Variants in LRMDA observed in about 807,000 individuals in gnomAD.
The protein encoded by LRMDA is leucine-rich melanocyte differentiation-associated protein.
Under a neutral mutation model 29.8 loss-of-function variants are expected in LRMDA, and 18 were observed. The observed-to-expected ratio is 0.60, with a 90% CI of 0.42 to 0.90. The LOEUF (loss-of-function observed/expected upper bound fraction) is 0.90. LRMDA is among the 40% of genes least tolerant of loss of function. LRMDA has a pLI of 0.00. For synonymous variants in LRMDA, 125 were observed against 109.4 expected (o/e 1.14, Z -0.89); for missense variants, 273 against 273.9 (o/e 1.00, Z 0.02).
chr10:75,562,419 G>C (rs897857931), intron 2 of LRMDA, among the ~76,000 whole-genome samples: 1 of 152,040 alleles, frequency 6.6e-6, no homozygotes, highest in African/African-American at 2.4e-5. Flanking sequence ...TTGAGCCTAT[G>C]TGTGTCTCTG....
intron 4 of LRMDA, among the ~76,000 whole-genome samples, chr10:76,056,375 C>T (rs1010121984): frequency 6.6e-6 from 1 of 152,228 alleles, no homozygotes; most frequent in African/African-American, 2.4e-5. Flanking sequence ...AGCCCCTATG[C>T]TTTAGGCCAC....
At chr10:75,644,352 C>T (rs1272122634) in intron 2 of LRMDA, among the ~76,000 whole-genome samples, 1 of 152,216 alleles carries the variant, frequency 6.6e-6, no homozygotes, top group East Asian at 1.9e-4. Context: ...TTTTAGTTTA[C>T]AGGCACTGGC....
intron 2 of LRMDA, among the ~76,000 whole-genome samples, chr10:75,980,965 T>G (rs753231215): frequency 5.3e-5 from 8 of 152,230 alleles, no homozygotes; most frequent in Non-Finnish European, 8.8e-5. Context: ...CCCTAGCATG[T>G]TTTAAACTAG....
At chr10:76,424,579 A>G (rs1842104687) in intron 6 of LRMDA, among the ~76,000 whole-genome samples, 1 of 152,210 alleles carries the variant, frequency 6.6e-6, no homozygotes, top group Non-Finnish European at 1.5e-5. Context: ...GGACCACAAC[A>G]GTAACAATAA....
chr10:75,554,827 C>A (rs574953322), intron 2 of LRMDA, among the ~76,000 whole-genome samples: 1 of 152,106 alleles, frequency 6.6e-6, no homozygotes, highest in African/African-American at 2.4e-5. Context: ...ATAATACTTT[C>A]GTTAAAGGAT....
intron 2 of LRMDA, among the ~76,000 whole-genome samples, chr10:75,446,382 A>T (rs574123493): frequency 2.6e-5 from 4 of 152,246 alleles, no homozygotes; most frequent in Admixed American, 6.5e-5. Context: ...TAGTGAGGCT[A>T]AGAGCCTGGG....
chr10:75,705,323 C>G (rs561877774), intron 2 of LRMDA, among the ~76,000 whole-genome samples: 2 of 152,160 alleles, frequency 1.3e-5, no homozygotes, highest in East Asian at 1.9e-4. Context: ...GAGGGAGACC[C>G]GAGGATGGGA....
At chr10:75,474,761 C>T (rs546797769) in intron 2 of LRMDA, among the ~76,000 whole-genome samples, 3 of 152,170 alleles carry the variant, frequency 2.0e-5, no homozygotes, top group South Asian at 4.2e-4. Flanking sequence ...GGGGGCTGGC[C>T]CCTTCAGTGG....
intron 2 of LRMDA, among the ~76,000 whole-genome samples, chr10:75,887,890 G>A (rs1391276746): frequency 6.6e-6 from 1 of 152,136 alleles, no homozygotes; most frequent in Non-Finnish European, 1.5e-5. Context: ...CCGGTTTTTA[G>A]TTTACCTATG....
chr10:75,694,341 A>T (rs1006342663), intron 2 of LRMDA, among the ~76,000 whole-genome samples: 2 of 152,200 alleles, frequency 1.3e-5, no homozygotes, highest in Non-Finnish European at 2.9e-5. Context: ...GGCAAAATGC[A>T]TTTGGTATAT....
chr10:75,798,451 C>G (rs1282730236), intron 2 of LRMDA, among the ~76,000 whole-genome samples: 1 of 152,020 alleles, frequency 6.6e-6, no homozygotes, highest in Non-Finnish European at 1.5e-5. Context: ...AAAGAACCAG[C>G]TTTTGCCTTT....
intron 2 of LRMDA, among the ~76,000 whole-genome samples, chr10:75,711,290 T>C (rs1264549443): frequency 6.6e-6 from 1 of 152,138 alleles, no homozygotes; most frequent in Non-Finnish European, 1.5e-5. Context: ...GTGGTGTGGT[T>C]TGGGGGCAAG....
At chr10:75,688,295 T>A (rs1322014524) in intron 2 of LRMDA, among the ~76,000 whole-genome samples, 1 of 152,236 alleles carries the variant, frequency 6.6e-6, no homozygotes, top group Non-Finnish European at 1.5e-5. Flanking sequence ...TTGTGATTCA[T>A]GAGAGGAATC....
chr10:75,708,769 G>T lies in LRMDA; in HGVS notation c.131+270275G>T, dbSNP rs868146185. Among the ~76,000 whole-genome samples, 13 of 152,294 alleles carry T rather than the reference G, an allele frequency of 8.5e-5. No homozygotes were observed. In the South Asian group the frequency reaches 1.9e-3, roughly 22 times the overall value. ...TCCTGCAACTTTGGAACGAGCAAGG[G>T]TTTCTAAATTAGTGGTCAAAACACC... is the stretch of plus-strand genomic sequence containing the variant. On this transcript the variant is annotated intron_variant, in intron 2 of 6. Coordinates refer to ENST00000611255, the MANE Select transcript of LRMDA (RefSeq NM_001305581.2).
chr10:76,155,297 G>A (rs1323386395), intron 5 of LRMDA, among the ~76,000 whole-genome samples: 1 of 151,952 alleles, frequency 6.6e-6, no homozygotes, highest in African/African-American at 2.4e-5. Context: ...GTTGCTATGG[G>A]GCACCCTTCA....
At chr10:75,886,992 A>G (rs979215796) in intron 2 of LRMDA, among the ~76,000 whole-genome samples, 1 of 152,092 alleles carries the variant, frequency 6.6e-6, no homozygotes, top group African/African-American at 2.4e-5. Flanking sequence ...TGTTGTGGTA[A>G]GTTCTGGGCC....
At chr10:75,880,281 G>A (rs991718697) in intron 2 of LRMDA, among the ~76,000 whole-genome samples, 2 of 152,186 alleles carry the variant, frequency 1.3e-5, no homozygotes, top group Admixed American at 6.5e-5. Flanking sequence ...TATCATCTAG[G>A]AAGAAGGAAT....
intron 2 of LRMDA, among the ~76,000 whole-genome samples, chr10:75,643,821 G>A (rs1323545796): frequency 6.6e-6 from 1 of 152,084 alleles, no homozygotes; most frequent in Non-Finnish European, 1.5e-5. Flanking sequence ...TAAATAGAGA[G>A]GTACCCTGGT....
At chr10:76,263,129 A>G (rs117180211) in intron 5 of LRMDA, among the ~76,000 whole-genome samples, 2,197 of 152,322 alleles carry the variant, frequency 0.014, 21 homozygotes, top group South Asian at 0.03. Flanking sequence ...CAAACATTAA[A>G]TGATTGATCT....
Sources: gnomAD v4.1 joint callset for allele counts (sites outside exome capture counted in the v4.1 genomes callset) on GRCh38, gnomAD v4.1.1 for gene constraint, MANE v1.5 for transcripts, NCBI Gene and HGNC (gene_info 2026-07-23, HGNC 2026-07-21) for gene names.